LYPD6B: variants seen among roughly 807,000 people sequenced by gnomAD.
The protein encoded by LYPD6B is LY6/PLAUR domain containing 6B, also known as ly6/PLAUR domain-containing protein 6B.
In LYPD6B, 17 loss-of-function variants were observed where a neutral mutation model predicts 22.8. The observed-to-expected ratio is 0.75, with a 90% CI of 0.51 to 1.12. LYPD6B has a LOEUF of 1.12. Among genes scored for constraint, LYPD6B ranks in the 50% most tolerant of loss-of-function variants. The pLI is 0.00. For missense variants in LYPD6B, 221 were observed against 258.3 expected, an observed-to-expected ratio of 0.86 and a Z score of 0.99; for synonymous variants, 106 against 91.6, an observed-to-expected ratio of 1.16 and a Z score of -0.90.
At chr2:149,173,671 A>G (rs1015732121) in intron 3 of LYPD6B, among the ~76,000 whole-genome samples, 29 of 152,184 alleles carry the variant, frequency 1.9e-4, no homozygotes, top group Non-Finnish European at 5.9e-5. Context: ...TACTGATGTA[A>G]TATCTTGTAA....
At chr2:149,061,139 C>T (rs1684058133) in intron 1 of LYPD6B, among the ~76,000 whole-genome samples, 1 of 151,474 alleles carries the variant, frequency 6.6e-6, no homozygotes, top group Admixed American at 6.6e-5. Context: ...TGGAGATGAG[C>T]AGAGGTGTTT....
At chr2:149,067,409 TC>T (rs1684385274) in intron 1 of LYPD6B, among the ~76,000 whole-genome samples, 1 of 152,130 alleles carries the variant, frequency 6.6e-6, no homozygotes, top group African/African-American at 2.4e-5. Flanking sequence ...AAATTAATTT[TC>T]CATTATAAAT....
At chr2:149,189,060 T>C (rs1467258466) in intron 3 of LYPD6B, among the ~76,000 whole-genome samples, 4 of 151,876 alleles carry the variant, frequency 2.6e-5, no homozygotes, top group Non-Finnish European at 5.9e-5. Context: ...TTACTATATA[T>C]GTACAAGGGA....
At chr2:149,063,723 T>G (rs1684197366) in intron 1 of LYPD6B, among the ~76,000 whole-genome samples, 1 of 152,142 alleles carries the variant, frequency 6.6e-6, no homozygotes, top group African/African-American at 2.4e-5. Context: ...ATCCCAGAAA[T>G]AAATTCCAAA....
chr2:149,047,015 A>G (rs1232836550), intron 1 of LYPD6B, among the ~76,000 whole-genome samples: 1 of 152,234 alleles, frequency 6.6e-6, no homozygotes, highest in Non-Finnish European at 1.5e-5. Context: ...TGGTTATGCT[A>G]AAACAGACCA....
At chr2:149,187,385 C>T in intron 3 of LYPD6B, 1 of 1,478,844 alleles carries the variant, frequency 6.8e-7, no homozygotes, top group Non-Finnish European at 9.0e-7. Flanking sequence ...TGCCATGGTC[C>T]CATGACTTGA....
intron 1 of LYPD6B, among the ~76,000 whole-genome samples, chr2:149,060,239 C>T (rs1388743626): frequency 6.6e-6 from 1 of 152,194 alleles, no homozygotes; most frequent in East Asian, 1.9e-4. Context: ...GTCCAGGTGA[C>T]TGGGGTTCGA....
chr2:149,100,291 C>T (rs758996577), intron 1 of LYPD6B, among the ~76,000 whole-genome samples: 8 of 151,862 alleles, frequency 5.3e-5, no homozygotes, highest in African/African-American at 7.3e-5. Flanking sequence ...GAACTGATGC[C>T]GGTTTGACAC....
intron 1 of LYPD6B, among the ~76,000 whole-genome samples, chr2:149,108,074 T>A (rs942558929): frequency 6.6e-6 from 1 of 152,130 alleles, no homozygotes; most frequent in Non-Finnish European, 1.5e-5. Flanking sequence ...GGGAGGTAAT[T>A]GAATCATGGG....
chr2:149,113,626 T>C (rs1253412812), intron 1 of LYPD6B, among the ~76,000 whole-genome samples: 1 of 152,198 alleles, frequency 6.6e-6, no homozygotes, highest in Non-Finnish European at 1.5e-5. Flanking sequence ...GTGTATATGC[T>C]GTTCCATTTG....
intron 2 of LYPD6B, among the ~76,000 whole-genome samples, chr2:149,133,347 A>G (rs1386787782): frequency 6.6e-6 from 1 of 152,208 alleles, no homozygotes; most frequent in Non-Finnish European, 1.5e-5. Context: ...TCAATAAAAC[A>G]ATATATTCAT....
rs139897632 is a variant in LYPD6B, at chr2:149,178,164, G to A, written c.77+17329G>A. Among the ~76,000 whole-genome samples the A allele has an allele frequency of 1.2e-4, 18 of 152,066 alleles. No individual in the cohort carries two copies. In the East Asian group the frequency reaches 2.1e-3, roughly 18 times the overall value. ...ATACACTAAGTCTTAAGACTAACTCGTGTTCCATTAGGGGCCAGAGGTTTA... is the reference window on the plus strand; with the variant it reads ...ATACACTAAGTCTTAAGACTAACTCATGTTCCATTAGGGGCCAGAGGTTTA... On this transcript the variant is annotated intron_variant, in intron 3 of 6. Coordinates refer to ENST00000409642, the MANE Select transcript of LYPD6B (RefSeq NM_177964.5).
At chr2:149,124,003 G>A (rs1196730285) in intron 1 of LYPD6B, among the ~76,000 whole-genome samples, 3 of 152,118 alleles carry the variant, frequency 2.0e-5, no homozygotes, top group Non-Finnish European at 4.4e-5. Context: ...AAGGCCCCCC[G>A]GGCTCCTTTG....
At chr2:149,065,988 G>C (rs942815159) in intron 1 of LYPD6B, among the ~76,000 whole-genome samples, 1 of 151,934 alleles carries the variant, frequency 6.6e-6, no homozygotes, top group South Asian at 2.1e-4. Flanking sequence ...TCGGGATTAC[G>C]AGTCTGAGCT....
intron 1 of LYPD6B, among the ~76,000 whole-genome samples, chr2:149,103,502 C>T (rs1158728842): frequency 6.6e-6 from 1 of 152,104 alleles, no homozygotes; most frequent in African/African-American, 2.4e-5. Context: ...AATTGACCTA[C>T]AATAAACTGT....
intron 3 of LYPD6B, chr2:149,200,508 C>T (rs1244854383): frequency 1.6e-5 from 2 of 126,346 alleles, no homozygotes; most frequent in Admixed American, 8.1e-5. Flanking sequence ...CTGAGCATGG[C>T]CTGGGGAATA....
intron 2 of LYPD6B, among the ~76,000 whole-genome samples, chr2:149,134,808 A>C (rs1404278810): frequency 1.3e-5 from 2 of 152,250 alleles, no homozygotes; most frequent in African/African-American, 2.4e-5. Context: ...TACTTGATCA[A>C]GATCTTTGGA....
At chr2:149,099,080 C>T (rs1439900557) in intron 1 of LYPD6B, among the ~76,000 whole-genome samples, 2 of 152,146 alleles carry the variant, frequency 1.3e-5, no homozygotes, top group African/African-American at 4.8e-5. Flanking sequence ...AATAAACAAG[C>T]TTTGCTGGTG....
chr2:149,061,660 T>C (rs1279413876), intron 1 of LYPD6B, among the ~76,000 whole-genome samples: 1 of 152,136 alleles, frequency 6.6e-6, no homozygotes, highest in East Asian at 1.9e-4. Flanking sequence ...TCAAATACCA[T>C]TCTTTTGCCA....
Sources: gnomAD v4.1 joint callset for allele counts (sites outside exome capture counted in the v4.1 genomes callset) on GRCh38, gnomAD v4.1.1 for gene constraint, MANE v1.5 for transcripts, NCBI Gene and HGNC (gene_info 2026-07-23, HGNC 2026-07-21) for gene names.